PTPRD: variants seen among roughly 807,000 people sequenced by gnomAD.
PTPRD encodes protein tyrosine phosphatase receptor type D.
A neutral mutation model predicts 214.5 loss-of-function variants in PTPRD; 34 were observed. That is an observed-to-expected ratio of 0.16 (90% confidence interval 0.12 to 0.21). The LOEUF is 0.21. Among genes scored for constraint, PTPRD ranks in the 10% least tolerant of loss-of-function variants. The pLI is 1.00. For synonymous variants in PTPRD, 1,128 were observed against 845.7 expected, an observed-to-expected ratio of 1.33 and a Z score of -5.79; for missense variants, 2,545 against 2,398.7, an observed-to-expected ratio of 1.06 and a Z score of -1.27.
chr9:8,437,397 T>C (rs1590405109), intron 34 of PTPRD, among the ~76,000 whole-genome samples: 2 of 152,194 alleles, frequency 1.3e-5, no homozygotes, highest in Non-Finnish European at 2.9e-5. Flanking sequence ...ATGTGACTAC[T>C]ACATTAAGAT....
At chr9:9,472,585 G>C (rs1464531800) in intron 8 of PTPRD, among the ~76,000 whole-genome samples, 8 of 151,736 alleles carry the variant, frequency 5.3e-5, no homozygotes, top group Non-Finnish European at 1.2e-4. Context: ...CCAACCTCAA[G>C]TTTCTACAGC....
intron 7 of PTPRD, among the ~76,000 whole-genome samples, chr9:9,639,982 T>G (rs377596242): frequency 1.0e-3 from 158 of 152,338 alleles, no homozygotes; most frequent in African/African-American, 3.7e-3. Flanking sequence ...TAGAAACACC[T>G]AAGAAGGTAA....
At chr9:9,753,853 T>C (rs1309743279) in intron 6 of PTPRD, among the ~76,000 whole-genome samples, 1 of 152,024 alleles carries the variant, frequency 6.6e-6, no homozygotes, top group Non-Finnish European at 1.5e-5. Context: ...CATGCCCCTA[T>C]CCTTACATTG....
chr9:9,930,110 T>C (rs746192590), intron 5 of PTPRD, among the ~76,000 whole-genome samples: 5 of 152,114 alleles, frequency 3.3e-5, no homozygotes, highest in Non-Finnish European at 5.9e-5. Context: ...GGCTGGGAGC[T>C]CCAGGAGTAT....
chr9:9,001,985 G>T (rs11998785), intron 11 of PTPRD, among the ~76,000 whole-genome samples: 4,332 of 142,626 alleles, frequency 0.03, 225 homozygotes, highest in African/African-American at 0.11. Flanking sequence ...GTGTGTGTGT[G>T]TGTGTTTGGG....
At chr9:8,655,434 T>A (rs1177243326) in intron 12 of PTPRD, among the ~76,000 whole-genome samples, 1 of 152,206 alleles carries the variant, frequency 6.6e-6, no homozygotes, top group East Asian at 1.9e-4. Flanking sequence ...TGTTTTTAAA[T>A]TCACAGTGGT....
At chr9:8,413,596 C>A (rs12349513) in intron 35 of PTPRD, among the ~76,000 whole-genome samples, 3 of 152,054 alleles carry the variant, frequency 2.0e-5, no homozygotes, top group African/African-American at 7.2e-5. Context: ...GCCATTAATA[C>A]CATTAGTGCT....
At chr9:9,829,414 C>G (rs1004427892) in intron 5 of PTPRD, among the ~76,000 whole-genome samples, 27 of 151,770 alleles carry the variant, frequency 1.8e-4, no homozygotes, top group African/African-American at 6.3e-4. Context: ...TATACAAGCA[C>G]AGGTGTTGTG....
At chr9:8,772,157 CA>C (rs2095255730) in intron 11 of PTPRD, among the ~76,000 whole-genome samples, 1 of 151,900 alleles carries the variant, frequency 6.6e-6, no homozygotes, top group Non-Finnish European at 1.5e-5. Context: ...ACAACAACAA[CA>C]ACACAGATTT....
chr9:9,447,086 C>G (rs899439811), intron 8 of PTPRD, among the ~76,000 whole-genome samples: 1 of 152,100 alleles, frequency 6.6e-6, no homozygotes, highest in African/African-American at 2.4e-5. Context: ...TTAGTTCAAC[C>G]ATTTGTGGAG....
intron 35 of PTPRD, among the ~76,000 whole-genome samples, chr9:8,436,231 A>T (rs1395157956): frequency 1.3e-5 from 2 of 152,244 alleles, no homozygotes; most frequent in South Asian, 4.1e-4. Context: ...AGTTTTAGCT[A>T]GATGGCAGGA....
intron 2 of PTPRD, among the ~76,000 whole-genome samples, chr9:10,357,198 T>C (rs752696181): frequency 1.3e-4 from 20 of 152,186 alleles, no homozygotes; most frequent in Non-Finnish European, 2.9e-4. Flanking sequence ...GATCATTTTA[T>C]GTACTGAAGC....
chr9:9,997,345 A>G (rs999281025), intron 4 of PTPRD, among the ~76,000 whole-genome samples: 1 of 148,510 alleles, frequency 6.7e-6, no homozygotes, highest in Non-Finnish European at 1.5e-5. Context: ...GAGTGCAATG[A>G]TGCAATCTTA....
At chr9:8,717,911 A>G (rs1481525765) in intron 12 of PTPRD, among the ~76,000 whole-genome samples, 3 of 152,008 alleles carry the variant, frequency 2.0e-5, no homozygotes, top group Non-Finnish European at 4.4e-5. Context: ...GCATATATCT[A>G]CCTCCTGCCC....
intron 2 of PTPRD, among the ~76,000 whole-genome samples, chr9:10,429,168 T>G (rs916115516): frequency 1.3e-5 from 2 of 151,870 alleles, no homozygotes; most frequent in African/African-American, 4.8e-5. Context: ...ATGCCAAACT[T>G]AACACAGAAC....
intron 4 of PTPRD, among the ~76,000 whole-genome samples, chr9:9,961,052 A>G: frequency 6.6e-6 from 1 of 152,030 alleles, no homozygotes; most frequent in African/African-American, 2.4e-5. Flanking sequence ...CAACAGACAC[A>G]TGAAAAAATG....
At chr9:10,139,820 G>T (rs551927220) in intron 3 of PTPRD, among the ~76,000 whole-genome samples, 1 of 151,616 alleles carries the variant, frequency 6.6e-6, no homozygotes, top group Admixed American at 6.6e-5. Flanking sequence ...ATACTGTGAG[G>T]ATAACTGGCT....
chr9:8,770,416 A>T (rs921134656), intron 11 of PTPRD, among the ~76,000 whole-genome samples: 1 of 152,174 alleles, frequency 6.6e-6, no homozygotes. Context: ...AATTTATTCA[A>T]AGAATGAAAA....
chr9:10,048,057 G>C (rs1364002835), intron 3 of PTPRD, among the ~76,000 whole-genome samples: 1 of 152,094 alleles, frequency 6.6e-6, no homozygotes, highest in Non-Finnish European at 1.5e-5. Context: ...CTCTGCTCTT[G>C]AATCCAGCCA....
Sources: gnomAD v4.1 joint callset for allele counts (sites outside exome capture counted in the v4.1 genomes callset) on GRCh38, gnomAD v4.1.1 for gene constraint, MANE v1.5 for transcripts, NCBI Gene and HGNC (gene_info 2026-07-23, HGNC 2026-07-21) for gene names.